DAPK1: variants seen among roughly 807,000 people sequenced by gnomAD.
DAPK1 encodes death-associated protein kinase 1.
In DAPK1, 56 loss-of-function variants were observed where a neutral mutation model predicts 144.9. That is an observed-to-expected ratio of 0.39 (90% CI 0.31 to 0.48). The LOEUF is 0.48. Among genes scored for constraint, DAPK1 ranks in the 20% least tolerant of loss-of-function variants. DAPK1 has a pLI of 0.95. For missense variants in DAPK1, 1,454 were observed against 1,875.4 expected, an observed-to-expected ratio of 0.78 and a Z score of 4.15; for synonymous variants, 690 against 749.0, an observed-to-expected ratio of 0.92 and a Z score of 1.29.
At chr9:87,576,610 T>G (rs1827571517) in intron 2 of DAPK1, among the ~76,000 whole-genome samples, 1 of 152,158 alleles carries the variant, frequency 6.6e-6, no homozygotes, top group Non-Finnish European at 1.5e-5. Context: ...CAGGCTGGAG[T>G]GCAATGGCGC....
At chr9:87,549,430 A>G (rs10868624) in intron 2 of DAPK1, among the ~76,000 whole-genome samples, 44,269 of 151,988 alleles carry the variant, frequency 0.29, 6,751 homozygotes, top group Middle Eastern at 0.41. Flanking sequence ...TAATAGAACA[A>G]TTTGTATGGG....
chr9:87,507,277 A>G (rs1280788826), intron 2 of DAPK1, among the ~76,000 whole-genome samples: 1 of 152,278 alleles, frequency 6.6e-6, no homozygotes, highest in East Asian at 1.9e-4. Flanking sequence ...CAATGGCGCT[A>G]TCTCGGCTCA....
At chr9:87,637,022 A>C (rs930162402) in intron 3 of DAPK1, among the ~76,000 whole-genome samples, 2 of 152,130 alleles carry the variant, frequency 1.3e-5, no homozygotes, top group Non-Finnish European at 2.9e-5. Flanking sequence ...CCACCCACTT[A>C]CAGTCTGGAC....
chr9:87,557,162 T>G (rs1207588145), intron 2 of DAPK1, among the ~76,000 whole-genome samples: 1 of 152,182 alleles, frequency 6.6e-6, no homozygotes, highest in Non-Finnish European at 1.5e-5. Flanking sequence ...GTAAGGCCAG[T>G]GGTTTTCAAA....
chr9:87,689,462 A>G (rs751242377), intron 21 of DAPK1, among the ~76,000 whole-genome samples: 1 of 152,110 alleles, frequency 6.6e-6, no homozygotes, highest in African/African-American at 2.4e-5. Flanking sequence ...CCATTCTACA[A>G]ATTGTCTCTT....
At chr9:87,600,584 C>A (rs1029808076) in intron 2 of DAPK1, among the ~76,000 whole-genome samples, 2 of 151,962 alleles carry the variant, frequency 1.3e-5, no homozygotes, top group Non-Finnish European at 2.9e-5. Context: ...CAGAGCGAGA[C>A]CCTGTCTCAA....
intron 2 of DAPK1, among the ~76,000 whole-genome samples, chr9:87,517,868 C>A (rs1825121825): frequency 6.6e-6 from 1 of 152,080 alleles, no homozygotes; most frequent in Admixed American, 6.5e-5. Flanking sequence ...GTCCCAGTGT[C>A]ATATTTTTAG....
chr9:87,598,278 A>G (rs1828390585), intron 2 of DAPK1, among the ~76,000 whole-genome samples: 6 of 152,228 alleles, frequency 3.9e-5, no homozygotes, highest in Admixed American at 3.9e-4. Flanking sequence ...CTTTGTGTTA[A>G]TGAGAAACCA....
At chr9:87,528,514 G>C (rs924792896) in intron 2 of DAPK1, among the ~76,000 whole-genome samples, 1 of 152,038 alleles carries the variant, frequency 6.6e-6, no homozygotes, top group African/African-American at 2.4e-5. Context: ...CACCACGCCC[G>C]GCCTACCATG....
In DAPK1 at chr9:87,644,309, C is replaced by T. The variant is rs17053275; in HGVS notation, c.1011+841C>T. Among the ~76,000 whole-genome samples the T allele has an allele frequency of 1.4e-3, 217 of 152,256 alleles. 1 individual carries two copies. The East Asian group carries it at 0.037, about 26-fold the overall frequency. On this transcript the variant is annotated intron_variant, in intron 11 of 25. Coordinates refer to ENST00000408954, the MANE Select transcript of DAPK1 (RefSeq NM_004938.4). Reference sequence around the variant, plus strand: ...ACAAGACTTTCCCCTGACAATCAAACAACGGGGCTTTGTTAAGTCAGGAGG... The same window carrying T: ...ACAAGACTTTCCCCTGACAATCAAATAACGGGGCTTTGTTAAGTCAGGAGG...
At chr9:87,702,900 C>CA (rs1242766377) in intron 24 of DAPK1, 129 bp from the exon 25 acceptor site, 8 of 622,490 alleles carry the variant, frequency 1.3e-5, no homozygotes, top group Middle Eastern at 4.5e-4. Context: ...TCAACAACAA[C>CA]AAAAAAACCC....
chr9:87,703,165 C>T lies in DAPK1; in HGVS notation c.3008C>T (p.Ala1003Val), dbSNP rs1825516638. 6.2e-7 allele frequency: 1 copy of T among 1,612,360 alleles called. No individual in the cohort carries two copies. The highest frequency in any genetic ancestry group is 8.5e-7 in the Non-Finnish European group (1 of 1,178,316). Residue 1003 changes from alanine (A) to valine (V), a missense_variant, in exon 25 of 26, where the codon GCC becomes GTC. Transcript: ENST00000408954. ...GTGCAGGACCAGCTGAACCCCCTGG[C>T]CAGCGAGGAGGACCTCAGGCGCATT... ...YDVQDQLNPL[A>V]SEEDLRRIAQ...
chr9:87,632,802 AG>A (rs1829745952), intron 3 of DAPK1: 1 of 981,482 alleles, frequency 1.0e-6, no homozygotes, highest in South Asian at 4.7e-5. Flanking sequence ...GTGTATATGT[AG>A]GGATGAAGGA....
chr9:87,561,088 C>G (rs182904569), intron 2 of DAPK1, among the ~76,000 whole-genome samples: 43 of 152,180 alleles, frequency 2.8e-4, no homozygotes, highest in Non-Finnish European at 5.0e-4. Context: ...TTTGTCCTTT[C>G]CCTTCATTTT....
chr9:87,545,360 C>T (rs1392985394), intron 2 of DAPK1, among the ~76,000 whole-genome samples: 2 of 152,132 alleles, frequency 1.3e-5, no homozygotes, highest in Non-Finnish European at 2.9e-5. Flanking sequence ...GTAATGGCTG[C>T]TTTAATTAAA....
In DAPK1 at chr9:87,706,953, C is replaced by T; in HGVS notation, c.3882C>T (p.Ala1294=). The part of the protein sequence containing the change: ...CFGCHDVYSQ[A]SLGMDIHASD... ...GGTGTCACGACGTCTACTCACAGGC[C>T]AGCCTCGGCATGGACATCCATGCAT... The change falls in exon 26 of 26, where the codon GCC becomes GCT. Residue 1294 remains alanine (A), a synonymous_variant. Coordinates refer to ENST00000408954, the MANE Select transcript of DAPK1 (RefSeq NM_004938.4). This position sits in a 1 kb window ranked among gnomAD's most constrained non-coding sequence, Gnocchi z 9.0. 6.2e-7 allele frequency: 1 copy of T among 1,613,304 alleles called. No homozygotes were observed. Among genetic ancestry groups the T allele is most frequent in the Non-Finnish European group, 8.5e-7 (1 of 1,179,652 alleles).
At chr9:87,673,663 C>T (rs1009627656) in intron 19 of DAPK1, among the ~76,000 whole-genome samples, 7 of 152,126 alleles carry the variant, frequency 4.6e-5, no homozygotes, top group African/African-American at 9.7e-5. Context: ...TAAGTGAACT[C>T]GGGCAGTAGT....
At chr9:87,615,283 A>G (rs994862710) in intron 3 of DAPK1, among the ~76,000 whole-genome samples, 2 of 152,184 alleles carry the variant, frequency 1.3e-5, no homozygotes, top group African/African-American at 2.4e-5. Context: ...TGTTTTTAAT[A>G]TTGTCAAAAT....
Position 87,707,089 on chromosome 9 carries a change from G to A in DAPK1, c.4018G>A (p.Val1340Met), listed in dbSNP as rs761039661. The A allele has an allele frequency of 2.7e-5, 44 of 1,613,938 alleles. No individual in the cohort carries two copies. The highest frequency in any genetic ancestry group is 3.5e-5 in the Non-Finnish European group (41 of 1,179,970). Residue 1340 changes from valine (V) to methionine (M), a missense_variant, in exon 26 of 26, where the codon GTG becomes ATG. Physicochemically the swap from Val to Met is conservative, Grantham distance 21. Coordinates refer to ENST00000408954, the MANE Select transcript of DAPK1 (RefSeq NM_004938.4). The surrounding 1 kb of genome is among the most constrained non-coding windows in gnomAD (Gnocchi z 4.0). The part of the protein sequence containing the change: ...LAMNLGLPDL[V>M]AKYNTSNGAP... ...CATGAACTTAGGCCTCCCTGACCTC[G>A]TGGCAAAGTACAACACCAGTAACGG...
Sources: allele counts gnomAD v4.1 joint callset (sites outside exome capture counted in the v4.1 genomes callset), GRCh38; gene constraint gnomAD v4.1.1; non-coding constraint Gnocchi (gnomAD v3.1); transcripts MANE v1.5; gene names NCBI Gene and HGNC (gene_info 2026-07-23, HGNC 2026-07-21).